The following TTC22 variants were observed in gnomAD, a reference collection of about 807,000 sequenced individuals.
TTC22 encodes the protein tetratricopeptide repeat domain 22.
In TTC22, 42 loss-of-function variants were observed where a neutral mutation model predicts 48.2. The observed-to-expected ratio is 0.87, with a 90% CI of 0.68 to 1.13. The LOEUF (loss-of-function observed/expected upper bound fraction) is 1.13. TTC22 is among the 50% of genes most tolerant of loss of function. TTC22 has a pLI of 0.00. For synonymous variants in TTC22, 345 were observed against 365.5 expected, an observed-to-expected ratio of 0.94 and a Z score of 0.64; for missense variants, 784 against 807.0, an observed-to-expected ratio of 0.97 and a Z score of 0.34.
intron 1 of TTC22, among the ~76,000 whole-genome samples, chr1:54,798,207 G>A (rs888381393): frequency 2.0e-5 from 3 of 152,252 alleles, no homozygotes; most frequent in African/African-American, 4.8e-5. Context: ...CCCTGGGCAA[G>A]CCTCATTCCT....
rs1278304137 is a variant in TTC22, at chr1:54,779,961, G to A, written c.*1282C>T. The stretch of plus-strand genomic sequence containing the variant: ...GGGGTGCTGGCCTGTCCCTGGTAAT[G>A]AGCGAGGATATGAGCAAAGCAGTGA... On this transcript the variant is annotated 3_prime_UTR_variant, in exon 7 of 7. Transcript: ENST00000371276. 6.6e-6 allele frequency: 1 copy of A among 152,160 alleles called. No individual in the cohort carries two copies. The highest frequency in any genetic ancestry group is 1.5e-5 in the Non-Finnish European group (1 of 68,068). The allele number at this position is 152,160 out of a possible 1,614,324, so 9.4% of individuals were successfully genotyped here. A position where few individuals can be genotyped will look rare whatever the true frequency, so the allele number is the denominator to read the frequency against.
chr1:54,794,667 C>T (rs1646376663), intron 1 of TTC22: 1 of 152,214 alleles, frequency 6.6e-6, no homozygotes, highest in Non-Finnish European at 1.5e-5. Context: ...TCACTGGGCT[C>T]CTCAGTGCAT....
In TTC22 at chr1:54,788,048, TAG is replaced by T. The variant is rs760075113; in HGVS notation, c.615_616del (p.Tyr206HisfsTer13). On this transcript the variant is annotated frameshift_variant, in exon 2 of 7. Coordinates refer to ENST00000371276, the MANE Select transcript of TTC22 (RefSeq NM_001114108.2). LOFTEE classifies it high-confidence loss of function. The stretch of plus-strand genomic sequence containing the variant: ...CACCACCCTCTTGCCTGACCTGATG[TAG>T]AGTGTTGCCATGGTGAAATACCAGC... 9 of 1,613,826 alleles carry T rather than the reference TAG, an allele frequency of 5.6e-6. No homozygotes were observed. The East Asian group carries it at 1.8e-4, about 32-fold the overall frequency.
intron 5 of TTC22, chr1:54,784,506 TCA>T: frequency 1.0e-6 from 1 of 997,822 alleles, no homozygotes; most frequent in Non-Finnish European, 1.2e-6. Context: ...CCGGCCTCTC[TCA>T]GAGGGTTCTT....
At chr1:54,794,730 T>A (rs999531991) in intron 1 of TTC22, 1 of 152,220 alleles carries the variant, frequency 6.6e-6, no homozygotes, top group Non-Finnish European at 1.5e-5. Flanking sequence ...ATCTTCCTCC[T>A]TTTACAGATC....
chr1:54,787,498 G>A (rs1646313495), intron 3 of TTC22: 4 of 597,310 alleles, frequency 6.7e-6, no homozygotes, highest in South Asian at 5.9e-5. Context: ...GCTGCAGACG[G>A]GCAAGCCTGC....
chr1:54,784,666 C>G (rs1557771076), intron 5 of TTC22: 2 of 1,135,052 alleles, frequency 1.8e-6, no homozygotes, highest in Non-Finnish European at 2.2e-6. Flanking sequence ...TTCACTCCTG[C>G]CTCGTACCTG....
intron 1 of TTC22, among the ~76,000 whole-genome samples, chr1:54,797,738 G>A (rs1361262899): frequency 1.3e-5 from 2 of 152,212 alleles, no homozygotes; most frequent in Non-Finnish European, 2.9e-5. Flanking sequence ...ATTACGGGCT[G>A]AATGATTAAC....
At chr1:54,784,567 G>T (rs1646285960) in intron 5 of TTC22, 1 of 1,020,040 alleles carries the variant, frequency 9.8e-7, no homozygotes, top group African/African-American at 1.7e-5. Flanking sequence ...ATGAAATGCA[G>T]AATTTTATAG....
chr1:54,781,964 C>T (rs973531606), intron 6 of TTC22, among the ~76,000 whole-genome samples, 185 bp from the exon 7 acceptor site: 2 of 152,248 alleles, frequency 1.3e-5, no homozygotes, highest in Non-Finnish European at 2.9e-5. Flanking sequence ...ATTCCAGTTC[C>T]AGCCCCTTCA....
At chr1:54,796,795 T>C (rs1007717647) in intron 1 of TTC22, among the ~76,000 whole-genome samples, 21 of 152,214 alleles carry the variant, frequency 1.4e-4, no homozygotes, top group African/African-American at 4.3e-4. Flanking sequence ...GTTATTCGAC[T>C]AAATTAAACA....
chr1:54,781,615 GC>G lies in TTC22; in HGVS notation c.1337del (p.Gly446AlafsTer43), dbSNP rs1350226185. On this transcript the variant is annotated frameshift_variant, in exon 7 of 7. Coordinates refer to ENST00000371276, the MANE Select transcript of TTC22 (RefSeq NM_001114108.2). LOFTEE classifies it high-confidence loss of function. ...LLRGKCLRIK[G>X]EDANAAACFK... is the part of the protein sequence containing the mutation. Reference sequence around the variant, plus strand: ...AGCAGGCGGCCGCGTTGGCGTCCTCGCCCTTGATGCGCAGGCACTTGCCGCG... The same window carrying G: ...AGCAGGCGGCCGCGTTGGCGTCCTCGCCTTGATGCGCAGGCACTTGCCGCG... 1 of 1,527,890 alleles carries G rather than the reference GC, an allele frequency of 6.5e-7. No individual in the cohort carries two copies. The highest frequency in any genetic ancestry group is 8.7e-7 in the Non-Finnish European group (1 of 1,143,148). The allele number at this position is 1,527,890 out of a possible 1,614,324, so 94.6% of individuals were successfully genotyped here.
At position 54,781,188 on chromosome 1, in the gene TTC22, G is replaced by GCTGGGCGGGGC; in HGVS notation, c.*44_*54dup. 1 of 1,287,688 alleles carries GCTGGGCGGGGC rather than the reference G, an allele frequency of 7.8e-7. No individual in the cohort carries two copies. Among genetic ancestry groups the GCTGGGCGGGGC allele is most frequent in the African/African-American group, 1.6e-5 (1 of 63,328 alleles). 79.8% of individuals were successfully genotyped at this position (1,287,688 alleles called of 1,614,324 possible). ...AGTCCATCCGGACCTGGTCCCATCAGCTGGGCGGGGCCTGGGCGGGGTCCC... is the reference window on the plus strand; with the variant it reads ...AGTCCATCCGGACCTGGTCCCATCAGCTGGGCGGGGCCTGGGCGGGGCCTGGGCGGGGTCCC... On this transcript the variant is annotated 3_prime_UTR_variant, in exon 7 of 7. Transcript: ENST00000371276.
chr1:54,781,513 C>T lies in TTC22; in HGVS notation c.1440G>A (p.Leu480=). 1 of 1,508,286 alleles carries T rather than the reference C, an allele frequency of 6.6e-7. No homozygotes were observed. Among genetic ancestry groups the T allele is most frequent in the Non-Finnish European group, 8.8e-7 (1 of 1,136,090 alleles). The allele number at this position is 1,508,286 out of a possible 1,614,324, so 93.4% of individuals were successfully genotyped here. The part of the protein sequence containing the change: ...DGFGCLLEAL[L]AQWSQAQLSD... ...TCAGCTGTGCCTGGCTCCACTGCGC[C>T]AGCAGCGCCTCGAGCAGGCAGCCGA... Residue 480 remains leucine (L), a synonymous_variant, in exon 7 of 7, where the codon CTG becomes CTA. Transcript: ENST00000371276.
chr1:54,785,529 G>A (rs530138984), intron 5 of TTC22: 9 of 452,290 alleles, frequency 2.0e-5, no homozygotes, highest in South Asian at 1.4e-4. Context: ...AAACCTTACA[G>A]GGCTGGGTGT....
At chr1:54,787,990 G>A (rs1646319245) in intron 2 of TTC22, 52 bp downstream of exon 2, 2 of 1,584,766 alleles carry the variant, frequency 1.3e-6, no homozygotes, top group Non-Finnish European at 1.7e-6. Flanking sequence ...CTGGGTGCCA[G>A]GCCACACCTC....
intron 1 of TTC22, among the ~76,000 whole-genome samples, chr1:54,792,343 T>C (rs1557774996): frequency 6.6e-6 from 1 of 152,164 alleles, no homozygotes; most frequent in Admixed American, 6.5e-5. Flanking sequence ...AGAAGCCTCA[T>C]TGTGCCTGAG....
intron 1 of TTC22, among the ~76,000 whole-genome samples, chr1:54,797,513 T>C (rs908999018): frequency 1.3e-5 from 2 of 152,178 alleles, no homozygotes; most frequent in African/African-American, 4.8e-5. Flanking sequence ...CCAGGCACGA[T>C]GACAGGTGCC....
rs12240009 is a variant in TTC22 at position 54,782,230 on chromosome 1, T to C, written c.1173+95A>G. ...GGTACTGTTATCAGGGAGTGAAACT[T>C]TTTCCTCTGCATCTTGGCCTAGCCC... On this transcript the variant is annotated intron_variant, in intron 6 of 6. Coordinates refer to ENST00000371276, the MANE Select transcript of TTC22 (RefSeq NM_001114108.2). 2.3e-6 allele frequency: 3 copies of C among 1,325,300 alleles called. No individual in the cohort carries two copies. The African/African-American group carries it at 4.5e-5, about 20-fold the overall frequency. 82.1% of individuals were successfully genotyped at this position (1,325,300 alleles called of 1,614,324 possible).
Sources: allele counts gnomAD v4.1 joint callset (sites outside exome capture counted in the v4.1 genomes callset), GRCh38; gene constraint gnomAD v4.1.1; transcripts MANE v1.5; gene names NCBI Gene and HGNC (gene_info 2026-07-23, HGNC 2026-07-21).